The following HEATR5A variants were observed in gnomAD, a reference collection of about 807,000 sequenced individuals.
The protein encoded by HEATR5A is HEAT repeat-containing protein 5A.
Under a neutral mutation model 218.8 loss-of-function variants are expected in HEATR5A, and 178 were observed. The observed-to-expected ratio is 0.81, with a 90% CI of 0.72 to 0.92. The LOEUF (loss-of-function observed/expected upper bound fraction) is 0.92. Ranked by LOEUF, HEATR5A falls within the 40% of genes least tolerant of loss-of-function variation. The pLI is 0.00. For missense variants in HEATR5A, 2,420 were observed against 2,418.9 expected (o/e 1.00, Z -0.01); for synonymous variants, 864 against 871.6 (o/e 0.99, Z 0.15).
At chr14:31,316,738 G>T (rs1899924844) in intron 26 of HEATR5A, among the ~76,000 whole-genome samples, 1 of 152,176 alleles carries the variant, frequency 6.6e-6, no homozygotes, top group South Asian at 2.1e-4. Flanking sequence ...TGTAGCCCAG[G>T]CTGGAATGCA....
At position 31,387,147 on chromosome 14, in the gene HEATR5A, C is replaced by T. The variant is rs777571316; in HGVS notation, c.1162G>A (p.Ala388Thr). The T allele has an allele frequency of 3.1e-6, 5 of 1,613,974 alleles. No homozygotes were observed. The Middle Eastern group carries it at 4.9e-4, about 160-fold the overall frequency. ...ATAACTTTCTTTAGCTTCCAGATGG[C>T]CTGGCAAATATCCTTTACAGCAGCA... ...QLAAVKDICQ[A>T]IWKLKKVMDA... The change falls in exon 8 of 36, where the codon GCC (alanine) becomes ACC (threonine). Residue 388 changes from alanine to threonine, a missense_variant. Transcript: ENST00000543095.
chr14:31,321,624 T>C lies in HEATR5A; in HGVS notation c.3844A>G (p.Thr1282Ala). The change falls in exon 25 of 36, where the codon ACA becomes GCA. Residue 1282 changes from threonine (T) to alanine (A), a missense_variant. By Grantham distance (58) the Thr-to-Ala change is moderately conservative (BLOSUM62 0). Transcript: ENST00000543095. ...DLIRMAFMAA[T>A]DHSDQLRLSG... ...AGACGGAGCTGGTCACTGTGATCTG[T>C]GGCAGCCATAAAAGCCATGCGAATT... The C allele has an allele frequency of 6.2e-7, 1 of 1,610,002 alleles. No homozygotes were observed. Among genetic ancestry groups the C allele is most frequent in the South Asian group, 1.1e-5 (1 of 90,058 alleles).
At chr14:31,387,411 T>A (rs939512558) in intron 7 of HEATR5A, 36 bp from the exon 8 acceptor site, 1 of 1,485,970 alleles carries the variant, frequency 6.7e-7, no homozygotes, top group Non-Finnish European at 9.2e-7. Context: ...CAATATTAAA[T>A]TGTTTCAATT....
intron 21 of HEATR5A, among the ~76,000 whole-genome samples, chr14:31,342,736 T>C (rs539652888): frequency 2.2e-4 from 34 of 152,226 alleles, no homozygotes; most frequent in Non-Finnish European, 3.8e-4. Flanking sequence ...TAGCCACCAC[T>C]TAGGTGAGCT....
chr14:31,302,399 T>C lies in HEATR5A; in HGVS notation c.5360A>G (p.Lys1787Arg). The C allele has an allele frequency of 6.2e-7, 1 of 1,601,172 alleles. No homozygotes were observed. Residue 1787 changes from lysine to arginine, a missense_variant, in exon 33 of 36, where the codon AAA becomes AGA. By Grantham distance (26) the Lys-to-Arg change is conservative. Transcript: ENST00000543095. Reference protein sequence around the residue: ...STVAASLQALKGILSSPMARA... With the variant: ...STVAASLQALRGILSSPMARA... The stretch of plus-strand genomic sequence containing the variant: ...GGCCATGGGAGAAGATAATATTCCT[T>C]TTAGAGCCTGTAGGGAAGCTGCAAC...
chr14:31,358,630 T>G lies in HEATR5A; in HGVS notation c.2411+7A>C, dbSNP rs764498926. The G allele has an allele frequency of 6.2e-7, 1 of 1,611,632 alleles. No homozygotes were observed. The highest frequency in any genetic ancestry group is 1.1e-5 in the South Asian group (1 of 90,730). Reference sequence around the variant, plus strand: ...TATCCATTCACTGAACCATTGAAGATATTTACCTTTGAGTTTCTCCCACAT... The same window carrying G: ...TATCCATTCACTGAACCATTGAAGAGATTTACCTTTGAGTTTCTCCCACAT... On this transcript the variant is annotated splice_region_variant and intron_variant, in intron 16 of 35. Coordinates refer to ENST00000543095, the MANE Select transcript of HEATR5A (RefSeq NM_015473.4).
In HEATR5A at chr14:31,360,801, C is replaced by T. The variant is rs1289634145; in HGVS notation, c.2072-1744G>A. Among the ~76,000 whole-genome samples, 3 of 151,774 alleles carry T rather than the reference C, an allele frequency of 2.0e-5. No individual in the cohort carries two copies. In the East Asian group the frequency reaches 5.8e-4, roughly 29 times the overall value. On this transcript the variant is annotated intron_variant, in intron 14 of 35. Transcript: ENST00000543095. Reference sequence around the variant, plus strand: ...CCATCACTTTCTGTATCATTAGCAGCAGTAACAGTAGTAACAACAAATATT... The same window carrying T: ...CCATCACTTTCTGTATCATTAGCAGTAGTAACAGTAGTAACAACAAATATT...
At chr14:31,357,630 G>A (rs984929174) in intron 16 of HEATR5A, among the ~76,000 whole-genome samples, 3 of 152,164 alleles carry the variant, frequency 2.0e-5, no homozygotes, top group African/African-American at 7.2e-5. Flanking sequence ...CATTCTCAAT[G>A]AGAAATCATT....
At chr14:31,333,207 G>A (rs1900534948) in intron 22 of HEATR5A, among the ~76,000 whole-genome samples, 1 of 152,094 alleles carries the variant, frequency 6.6e-6, no homozygotes, top group Non-Finnish European at 1.5e-5. Flanking sequence ...GCTTCATCAA[G>A]TTAGCCAGAA....
chr14:31,304,379 G>C (rs1263238557), intron 32 of HEATR5A, among the ~76,000 whole-genome samples: 1 of 152,104 alleles, frequency 6.6e-6, no homozygotes, highest in African/African-American at 2.4e-5. Flanking sequence ...GTCAATCATA[G>C]AAGAGCATAT....
Position 31,302,458 on chromosome 14 carries a change from A to G in HEATR5A, c.5301T>C (p.Ala1767=). The G allele has an allele frequency of 2.5e-6, 4 of 1,597,646 alleles. No homozygotes were observed. The highest frequency in any genetic ancestry group is 3.4e-6 in the Non-Finnish European group (4 of 1,171,240). Residue 1767 remains alanine, a synonymous_variant, in exon 33 of 36, where the codon GCT becomes GCC. Coordinates refer to ENST00000543095, the MANE Select transcript of HEATR5A (RefSeq NM_015473.4). ...YLTIGVLRET[A]VKLPGGQLSS... is the part of the protein sequence containing the mutation. ...ATAACTGGCCCCCAGGTAACTTCAC[A>G]GCAGTCTCTCTGAGGACCCCGATTG...
rs530423989 is a variant in HEATR5A at position 31,360,307 on chromosome 14, C to A, written c.2072-1250G>T. On this transcript the variant is annotated intron_variant, in intron 14 of 35. Coordinates refer to ENST00000543095, the MANE Select transcript of HEATR5A (RefSeq NM_015473.4). ...CAGTCTGGGTTTTTATGATTATAGG[C>A]CCCTGGTATAGCTTAATTTGTTCTT... Among the ~76,000 whole-genome samples the A allele has an allele frequency of 1.1e-4, 17 of 152,156 alleles. 1 individual carries two copies. In the South Asian group the frequency reaches 3.5e-3, roughly 32 times the overall value.
chr14:31,358,563 T>C (rs754847027), intron 16 of HEATR5A, 74 bp downstream of exon 16: 73 of 1,290,660 alleles, frequency 5.7e-5, no homozygotes, highest in Non-Finnish European at 7.8e-5. Flanking sequence ...TTTACGCTAA[T>C]GAGATCTCTG....
intron 1 of HEATR5A, among the ~76,000 whole-genome samples, chr14:31,404,167 T>A (rs567916140): frequency 6.6e-6 from 1 of 152,220 alleles, no homozygotes; most frequent in East Asian, 1.9e-4. Flanking sequence ...GCAGCTATCA[T>A]CAGGAACATT....
At chr14:31,303,531 G>T (rs939728784) in intron 32 of HEATR5A, among the ~76,000 whole-genome samples, 5 of 152,166 alleles carry the variant, frequency 3.3e-5, no homozygotes, top group Admixed American at 1.3e-4. Context: ...TAATCTGCTA[G>T]ATTTCACAGA....
At position 31,321,652 on chromosome 14, in the gene HEATR5A, G is replaced by C; in HGVS notation, c.3816C>G (p.Asp1272Glu). Residue 1272 changes from aspartate (D) to glutamate (E), a missense_variant, in exon 25 of 36, where the codon GAC becomes GAG. Physicochemically the swap from Asp to Glu is conservative, Grantham distance 45 (BLOSUM62 2). Coordinates refer to ENST00000543095, the MANE Select transcript of HEATR5A (RefSeq NM_015473.4). ...CAGCCATAAAAGCCATGCGAATTAA[G>C]TCAGCAAGATGCAGTACCAAAAAGT... ...RNDFLVLHLADLIRMAFMAAT... is the reference protein window; with the variant it reads ...RNDFLVLHLAELIRMAFMAAT... 6.2e-7 allele frequency: 1 copy of C among 1,608,430 alleles called. No individual in the cohort carries two copies. The highest frequency in any genetic ancestry group is 8.5e-7 in the Non-Finnish European group (1 of 1,177,552).
chr14:31,317,816 A>G (rs929760859), intron 26 of HEATR5A, among the ~76,000 whole-genome samples: 1 of 152,228 alleles, frequency 6.6e-6, no homozygotes, highest in East Asian at 1.9e-4. Flanking sequence ...AGGTACTTGT[A>G]TAACATTGCT....
intron 13 of HEATR5A, 179 bp downstream of exon 13, chr14:31,371,631 C>T (rs1902040491): frequency 2.5e-6 from 1 of 405,282 alleles, no homozygotes; most frequent in African/African-American, 2.1e-5. Flanking sequence ...CTAAAATTTT[C>T]CTTCCCTTTT....
intron 18 of HEATR5A, among the ~76,000 whole-genome samples, chr14:31,348,359 T>G (rs1269149995): frequency 6.6e-6 from 1 of 152,068 alleles, no homozygotes; most frequent in East Asian, 1.9e-4. Flanking sequence ...GAGGATCACT[T>G]CAACCCAGGA....
Sources: allele counts gnomAD v4.1 joint callset (sites outside exome capture counted in the v4.1 genomes callset), GRCh38; gene constraint gnomAD v4.1.1; transcripts MANE v1.5; gene names NCBI Gene and HGNC (gene_info 2026-07-23, HGNC 2026-07-21).